The following SKIC3 variants were observed in gnomAD, a reference collection of about 807,000 sequenced individuals.
The protein encoded by SKIC3 is SKI3 subunit of superkiller complex.
At chr5:95,495,013 C>A in the SKIC3 span, 2 of 1,613,652 alleles carry the variant, frequency 1.2e-6, no homozygotes, top group Non-Finnish European at 1.7e-6. Flanking sequence ...TGCTACAACA[C>A]CTCCCTAGAA....
chr5:95,498,891 C>T, the SKIC3 span, among the ~76,000 whole-genome samples: 4 of 152,320 alleles, frequency 2.6e-5, no homozygotes, highest in African/African-American at 4.8e-5. Flanking sequence ...TCCCAAAGTG[C>T]TGGGATTACA....
chr5:95,472,962 T>C, the SKIC3 span, among the ~76,000 whole-genome samples: 1 of 152,176 alleles, frequency 6.6e-6, no homozygotes, highest in Non-Finnish European at 1.5e-5. Context: ...TATGGCTGTA[T>C]AGTATTTCCA....
chr5:95,520,622 G>T, the SKIC3 span: 1 of 931,986 alleles, frequency 1.1e-6, no homozygotes, highest in Non-Finnish European at 1.6e-6. Flanking sequence ...CTGAGCAATT[G>T]CTATATCTAG....
chr5:95,539,136 C>G, the SKIC3 span, among the ~76,000 whole-genome samples: 1 of 152,104 alleles, frequency 6.6e-6, no homozygotes, highest in African/African-American at 2.4e-5. Context: ...AACACCTAGT[C>G]TAACATACAA....
the SKIC3 span, among the ~76,000 whole-genome samples, chr5:95,497,109 T>A: frequency 1.3e-5 from 2 of 152,204 alleles, no homozygotes; most frequent in Non-Finnish European, 2.9e-5. Flanking sequence ...GTGGCAGTGT[T>A]ACATTACTTT....
chr5:95,509,965 T>C, the SKIC3 span, among the ~76,000 whole-genome samples: 1 of 152,248 alleles, frequency 6.6e-6, no homozygotes, highest in Admixed American at 6.5e-5. Flanking sequence ...ATTATAGTTC[T>C]TGTTAAAACC....
At chr5:95,464,542 G>A in the SKIC3 span, 396 of 1,241,714 alleles carry the variant, frequency 3.2e-4, 1 homozygote, top group African/African-American at 5.3e-3. Flanking sequence ...TTGGGTAGAA[G>A]TCTTGATTCA....
chr5:95,514,711 T>G, the SKIC3 span: 8 of 679,204 alleles, frequency 1.2e-5, no homozygotes, highest in African/African-American at 1.8e-5. Flanking sequence ...TTAACTGAAA[T>G]AGTGTATACA....
the SKIC3 span, among the ~76,000 whole-genome samples, chr5:95,499,842 A>AC: frequency 6.6e-6 from 1 of 151,836 alleles, no homozygotes; most frequent in African/African-American, 2.4e-5. Context: ...AACATCTAGC[A>AC]TTTTTTTTCC....
the SKIC3 span, among the ~76,000 whole-genome samples, chr5:95,553,567 G>A: frequency 9.0e-3 from 1,341 of 148,522 alleles, 18 homozygotes; most frequent in African/African-American, 0.031. Context: ...TTTTGTTTTT[G>A]TTTTTTTTTT....
chr5:95,537,096 G>C, the SKIC3 span: 1 of 1,613,538 alleles, frequency 6.2e-7, no homozygotes, highest in Non-Finnish European at 8.5e-7. Context: ...TCTTCACTAG[G>C]AATCTTATCT....
At chr5:95,478,134 C>T in the SKIC3 span, among the ~76,000 whole-genome samples, 2 of 152,042 alleles carry the variant, frequency 1.3e-5, no homozygotes, top group African/African-American at 4.8e-5. Context: ...GCTCTATGTC[C>T]ATCACAAACC....
the SKIC3 span, chr5:95,494,856 A>T: frequency 6.3e-7 from 1 of 1,598,602 alleles, no homozygotes; most frequent in Non-Finnish European, 8.6e-7. Context: ...AAACTGACTA[A>T]AAGACTCTAT....
chr5:95,488,164 A>G, the SKIC3 span, among the ~76,000 whole-genome samples: 1 of 152,208 alleles, frequency 6.6e-6, no homozygotes, highest in South Asian at 2.1e-4. Flanking sequence ...CAAAGCCTAC[A>G]TGACATATGG....
chr5:95,536,825 A>C, the SKIC3 span: 1 of 1,612,280 alleles, frequency 6.2e-7, no homozygotes, highest in Non-Finnish European at 8.5e-7. Flanking sequence ...ACCTGATTCA[A>C]TTAAATGCAA....
the SKIC3 span, chr5:95,521,489 A>T: frequency 5.9e-5 from 9 of 152,360 alleles, no homozygotes; most frequent in Admixed American, 4.6e-4. Flanking sequence ...AAACAGAAAA[A>T]AAAAACCAGT....
the SKIC3 span, chr5:95,541,910 A>C: frequency 2.8e-5 from 45 of 1,585,626 alleles, no homozygotes; most frequent in Non-Finnish European, 3.8e-5. Context: ...CTAACCCCTA[A>C]AAGAAGAAGT....
At chr5:95,494,064 T>C in the SKIC3 span, among the ~76,000 whole-genome samples, 3 of 152,164 alleles carry the variant, frequency 2.0e-5, no homozygotes, top group Non-Finnish European at 4.4e-5. Flanking sequence ...AATATCTAAA[T>C]ATGTATGTTA....
the SKIC3 span, among the ~76,000 whole-genome samples, chr5:95,519,084 C>CAA: frequency 8.0e-6 from 1 of 124,382 alleles, no homozygotes. Context: ...ACCCTGAGAC[C>CAA]AAAAAAAAAA....
Sources: gnomAD v4.1 joint callset for allele counts (sites outside exome capture counted in the v4.1 genomes callset) on GRCh38, gnomAD v4.1.1 for gene constraint, MANE v1.5 for transcripts, NCBI Gene and HGNC (gene_info 2026-07-23, HGNC 2026-07-21) for gene names.